CELF2: variants seen among roughly 807,000 people sequenced by gnomAD.
CELF2 encodes the protein CUG triplet repeat RNA-binding protein 2.
CELF2 carries 8 observed loss-of-function variants against 62.6 expected under a neutral mutation model. That is an observed-to-expected ratio of 0.13 (90% confidence interval 0.07 to 0.23). The LOEUF (loss-of-function observed/expected upper bound fraction) is 0.23. CELF2 is among the 10% of genes least tolerant of loss of function. The pLI is 1.00. For missense variants in CELF2, 333 were observed against 671.0 expected, an observed-to-expected ratio of 0.50 and a Z score of 5.56; for synonymous variants, 258 against 250.0, an observed-to-expected ratio of 1.03 and a Z score of -0.30.
chr10:10,577,742 C>T, the CELF2 span, among the ~76,000 whole-genome samples: 1 of 152,074 alleles, frequency 6.6e-6, no homozygotes, highest in African/African-American at 2.4e-5. Context: ...GCCACATTTT[C>T]TTAATCCAGT....
At position 11,005,565 on chromosome 10, in the gene CELF2, T is replaced by C. The variant is rs1592980200; in HGVS notation, c.53+125T>C. The C allele has an allele frequency of 2.1e-6, 3 of 1,434,096 alleles. No homozygotes were observed. The East Asian group carries it at 6.8e-5, about 33-fold the overall frequency. The allele number at this position is 1,434,096 out of a possible 1,614,324, so 88.8% of individuals were successfully genotyped here. A position where few individuals can be genotyped will look rare whatever the true frequency, so the allele number is the denominator to read the frequency against. On this transcript the variant is annotated intron_variant, in intron 1 of 12. Coordinates refer to the CELF2 transcript ENST00000416382. The surrounding 1 kb of genome is among the most constrained non-coding windows in gnomAD (Gnocchi z 4.3). ...AGAAGAGAAGGGGGGAAAAAGAATC[T>C]AAAGAGGAAGAGGGAGATGAAATCG...
chr10:11,128,447 A>C (rs1322933143), intron 1 of CELF2, among the ~76,000 whole-genome samples: 1 of 152,178 alleles, frequency 6.6e-6, no homozygotes, highest in Non-Finnish European at 1.5e-5. Context: ...GATGGCATTC[A>C]ATCTATAAAT....
chr10:10,726,511 C>T, the CELF2 span, among the ~76,000 whole-genome samples: 1 of 152,094 alleles, frequency 6.6e-6, no homozygotes, highest in African/African-American at 2.4e-5. Context: ...GGTACCTCAC[C>T]GACCTGCCTT....
chr10:11,169,203 A>G (rs886101944), intron 2 of CELF2: 1 of 152,204 alleles, frequency 6.6e-6, no homozygotes. Context: ...AGTTGTTGTT[A>G]TTATCTCCAT....
At chr10:11,032,621 A>C (rs1351219086) in intron 1 of CELF2, among the ~76,000 whole-genome samples, 1 of 152,216 alleles carries the variant, frequency 6.6e-6, no homozygotes, top group Non-Finnish European at 1.5e-5. Context: ...TTTACAATCT[A>C]CGTGGTATCT....
chr10:11,066,847 T>C (rs971467034), intron 1 of CELF2, among the ~76,000 whole-genome samples: 2 of 152,076 alleles, frequency 1.3e-5, no homozygotes, highest in African/African-American at 4.8e-5. Flanking sequence ...ATGTGTATAT[T>C]GAAGCAAGAA....
the CELF2 span, among the ~76,000 whole-genome samples, chr10:10,491,569 A>G: frequency 1.3e-5 from 2 of 152,196 alleles, no homozygotes; most frequent in Admixed American, 1.3e-4. Context: ...CATGAAGCCC[A>G]TTGTTACAAA....
chr10:11,301,116 G>A (rs1030243122), intron 9 of CELF2, among the ~76,000 whole-genome samples: 6 of 152,148 alleles, frequency 3.9e-5, no homozygotes, highest in East Asian at 1.9e-4. Flanking sequence ...AGACAAGGGC[G>A]AAGGGGAAAA....
chr10:11,015,730 A>G (rs2057166718), upstream of CELF2, among the ~76,000 whole-genome samples: 1 of 152,222 alleles, frequency 6.6e-6, no homozygotes, highest in African/African-American at 2.4e-5. This position sits in a 1 kb window ranked among gnomAD's most constrained non-coding sequence, Gnocchi z 4.8. Context: ...CACCCTCCTC[A>G]TAGTATGATT....
the CELF2 span, among the ~76,000 whole-genome samples, chr10:10,492,503 G>A: frequency 6.6e-6 from 1 of 152,086 alleles, no homozygotes; most frequent in Non-Finnish European, 1.5e-5. Context: ...GCAGACAAAA[G>A]TATGGCGGTT....
the CELF2 span, among the ~76,000 whole-genome samples, chr10:10,756,815 C>T: frequency 6.6e-6 from 1 of 152,080 alleles, no homozygotes; most frequent in African/African-American, 2.4e-5. Flanking sequence ...GTAATTTTTG[C>T]TATTTGCTGG....
At chr10:11,031,973 C>CA (rs1221949914) in intron 1 of CELF2, among the ~76,000 whole-genome samples, 4 of 152,062 alleles carry the variant, frequency 2.6e-5, no homozygotes, top group Non-Finnish European at 4.4e-5. Context: ...GGCACCTCCT[C>CA]ACACAAGTCC....
chr10:11,058,899 G>GT (rs1477673820), intron 1 of CELF2, among the ~76,000 whole-genome samples: 2 of 152,144 alleles, frequency 1.3e-5, no homozygotes, highest in Non-Finnish European at 2.9e-5. Context: ...TTCTGCCTCA[G>GT]TCTCCTGAGT....
At chr10:10,525,838 C>T in the CELF2 span, among the ~76,000 whole-genome samples, 2 of 152,160 alleles carry the variant, frequency 1.3e-5, no homozygotes, top group African/African-American at 4.8e-5. Context: ...TGGATATATA[C>T]CCAGTGGTGG....
At chr10:11,144,435 C>G (rs2061882528) in intron 1 of CELF2, among the ~76,000 whole-genome samples, 1 of 152,104 alleles carries the variant, frequency 6.6e-6, no homozygotes, top group African/African-American at 2.4e-5. Context: ...ACGCAACAGA[C>G]TGTATGTAGT....
intron 1 of CELF2, among the ~76,000 whole-genome samples, chr10:11,048,251 G>T (rs2063223882): frequency 6.6e-6 from 1 of 152,208 alleles, no homozygotes; most frequent in African/African-American, 2.4e-5. Flanking sequence ...ATAGCTGCAG[G>T]TTATTAACAC....
the CELF2 span, among the ~76,000 whole-genome samples, chr10:10,505,397 G>T: frequency 6.6e-6 from 1 of 152,062 alleles, no homozygotes; most frequent in Non-Finnish European, 1.5e-5. Context: ...TATTACCACT[G>T]GATGAAAGTT....
rs2076297889 is a variant in CELF2 at position 11,191,567 on chromosome 10, G to A, written c.272-25858G>A. Among the ~76,000 whole-genome samples the A allele has an allele frequency of 6.6e-6, 1 of 152,130 alleles. No homozygotes were observed. Among genetic ancestry groups the A allele is most frequent in the Non-Finnish European group, 1.5e-5 (1 of 68,020 alleles). On this transcript the variant is annotated intron_variant, in intron 2 of 12. Coordinates refer to ENST00000633077, the MANE Select transcript of CELF2 (RefSeq NM_001326342.2). The surrounding 1 kb of genome is among the most constrained non-coding windows in gnomAD (Gnocchi z 4.1). ...CAGGGACACCACCTTGAAATCTGAAGTCACTGAGTAGCAGGGGAGGTTGGA... is the reference window on the plus strand; with the variant it reads ...CAGGGACACCACCTTGAAATCTGAAATCACTGAGTAGCAGGGGAGGTTGGA...
chr10:10,529,267 T>C, the CELF2 span, among the ~76,000 whole-genome samples: 3 of 152,208 alleles, frequency 2.0e-5, no homozygotes, highest in Admixed American at 2.0e-4. Context: ...ATTTGGCTAA[T>C]AAACTCTTAA....
Sources: allele counts gnomAD v4.1 joint callset (sites outside exome capture counted in the v4.1 genomes callset), GRCh38; gene constraint gnomAD v4.1.1; non-coding constraint Gnocchi (gnomAD v3.1); transcripts MANE v1.5; gene names NCBI Gene and HGNC (gene_info 2026-07-23, HGNC 2026-07-21).